The following ZMYM5 variants were observed in gnomAD, a reference collection of about 807,000 sequenced individuals.
ZMYM5 encodes zinc finger MYM-type containing 5.
In ZMYM5, 41 loss-of-function variants were observed where a neutral mutation model predicts 61.8. The observed-to-expected ratio is 0.66, with a 90% CI of 0.52 to 0.86. The LOEUF is 0.86. Ranked by LOEUF, ZMYM5 falls within the 40% of genes least tolerant of loss-of-function variation. ZMYM5 has a pLI of 0.00. For synonymous variants in ZMYM5, 257 were observed against 276.4 expected, an observed-to-expected ratio of 0.93 and a Z score of 0.70; for missense variants, 706 against 786.7, an observed-to-expected ratio of 0.90 and a Z score of 1.23.
At chr13:19,830,678 T>TGCCAGCC (rs1168417692) in intron 7 of ZMYM5, among the ~76,000 whole-genome samples, 1 of 151,182 alleles carries the variant, frequency 6.6e-6, no homozygotes, top group African/African-American at 2.4e-5. Flanking sequence ...GGACTACAGG[T>TGCCAGCC]ATGTGTCACC....
chr13:19,843,365 C>A (rs1952951596), intron 4 of ZMYM5: 1 of 43,114 alleles, frequency 2.3e-5, no homozygotes, highest in African/African-American at 8.5e-5. Flanking sequence ...CCACTGCACT[C>A]CAGCAAAAAA....
chr13:19,828,004 G>C (rs1891000723), intron 7 of ZMYM5, among the ~76,000 whole-genome samples: 1 of 113,384 alleles, frequency 8.8e-6, no homozygotes, highest in African/African-American at 3.5e-5. Flanking sequence ...GGGCGACAGA[G>C]CGAGACTCCA....
intron 7 of ZMYM5, among the ~76,000 whole-genome samples, chr13:19,831,811 A>AAC (rs1891237684): frequency 6.6e-6 from 1 of 150,912 alleles, no homozygotes; most frequent in African/African-American, 2.4e-5. Flanking sequence ...AAAAAAAAAA[A>AAC]AAACCATATG....
intron 2 of ZMYM5, among the ~76,000 whole-genome samples, chr13:19,860,430 T>TTGTGTGTGTGTG (rs760244753): frequency 7.5e-6 from 1 of 133,596 alleles, no homozygotes; most frequent in Non-Finnish European, 1.6e-5. Context: ...CCGGCTAATT[T>TTGTGTGTGTGTG]TGTGTGTGTG....
chr13:19,824,502 T>C lies in ZMYM5; in HGVS notation c.1985A>G (p.Asp662Gly). 1.5e-6 allele frequency: 2 copies of C among 1,311,752 alleles called. No individual in the cohort carries two copies. Among genetic ancestry groups the C allele is most frequent in the South Asian group, 2.6e-5 (2 of 76,128 alleles). 81.3% of individuals were successfully genotyped at this position (1,311,752 alleles called of 1,614,324 possible). Residue 662 changes from aspartate to glycine, a missense_variant, in exon 8 of 8, where the codon GAT (aspartate) becomes GGT (glycine). By Grantham distance (94) the Asp-to-Gly change is moderately conservative. This residue lies in a region of ZMYM5 where 226 missense variants were observed against 325.0 expected (regional missense o/e 0.70). Coordinates refer to ENST00000337963, the MANE Select transcript of ZMYM5 (RefSeq NM_001142684.2). The part of the protein sequence containing the change: ...EHRLYENEKN[D>G]GVLLLYT The stretch of plus-strand genomic sequence containing the variant: ...TTACGTGTACAACAACAGCACACCA[T>C]CATTTTTCTCATTTTCATATAATCT...
At position 19,824,798 on chromosome 13, in the gene ZMYM5, A is replaced by G. The variant is rs754700778; in HGVS notation, c.1689T>C (p.Tyr563=). 1.6e-5 allele frequency: 22 copies of G among 1,354,400 alleles called. No individual in the cohort carries two copies. In the African/African-American group the frequency reaches 2.5e-4, roughly 15 times the overall value. The allele number at this position is 1,354,400 out of a possible 1,614,324, so 83.9% of individuals were successfully genotyped here. ...DNTGRKFSET[Y]YTRILPNGEK... ...CACCATTTGGAAGAATCCGTGTATA[A>G]TAAGTTTCTGAAAACTTCCTCCCTG... Residue 563 remains tyrosine, a synonymous_variant, in exon 8 of 8, where the codon TAT becomes TAC. Coordinates refer to ENST00000337963, the MANE Select transcript of ZMYM5 (RefSeq NM_001142684.2).
rs1890848448 is a variant in ZMYM5, at chr13:19,825,120, A to AT, written c.1366dup (p.Ile456AsnfsTer43). On this transcript the variant is annotated frameshift_variant, in exon 8 of 8. Coordinates refer to ENST00000337963, the MANE Select transcript of ZMYM5 (RefSeq NM_001142684.2). LOFTEE classifies it high-confidence loss of function. ...TTCCTTTTTTTCTGGGATTCCCTCT[A>AT]TTTTTTTCAAAAGTGTATTTGACGA... 2 of 1,362,108 alleles carry AT rather than the reference A, an allele frequency of 1.5e-6. No individual in the cohort carries two copies. Among genetic ancestry groups the AT allele is most frequent in the Non-Finnish European group, 2.0e-6 (2 of 1,019,612 alleles). 84.4% of individuals were successfully genotyped at this position (1,362,108 alleles called of 1,614,324 possible).
At chr13:19,848,540 T>C (rs1012306907) in intron 4 of ZMYM5, among the ~76,000 whole-genome samples, 1 of 148,198 alleles carries the variant, frequency 6.7e-6, no homozygotes, top group Admixed American at 6.7e-5. Context: ...CCTCAGCCTC[T>C]TTGTTTTTTT....
chr13:19,837,467 T>A, intron 6 of ZMYM5, 189 bp downstream of exon 6: 1 of 1,573,164 alleles, frequency 6.4e-7, no homozygotes, highest in Non-Finnish European at 8.5e-7. Context: ...CTTTCCATGC[T>A]ATGCAAATGG....
At chr13:19,852,658 T>G (rs896383671) in intron 2 of ZMYM5, among the ~76,000 whole-genome samples, 1 of 152,196 alleles carries the variant, frequency 6.6e-6, no homozygotes, top group African/African-American at 2.4e-5. Context: ...ATCTTTTTTG[T>G]CCTTGTACAG....
At chr13:19,827,062 C>A (rs1364003958) in intron 7 of ZMYM5, among the ~76,000 whole-genome samples, 2 of 152,158 alleles carry the variant, frequency 1.3e-5, no homozygotes, top group Admixed American at 6.6e-5. Context: ...GATAGACTAA[C>A]AGTTGCCTAG....
chr13:19,851,691 T>C lies in ZMYM5; in HGVS notation c.490A>G (p.Lys164Glu). ...DFSTSSLSRSKTKTGVRPFNP... is the reference protein window; with the variant it reads ...DFSTSSLSRSETKTGVRPFNP... The stretch of plus-strand genomic sequence containing the variant: ...CTATTACCCATTCCTGCATTTACCT[T>C]ACTTCTTGAAAGACTGGAAGTGGAG... The change falls in exon 3 of 8, where the codon AAG (lysine) becomes GAG (glutamate). Residue 164 changes from lysine to glutamate, a missense_variant and splice_region_variant. Physicochemically the swap from Lys to Glu is moderately conservative, Grantham distance 56 (BLOSUM62 1). Around this residue, in one of 2 missense-constraint regions of ZMYM5, gnomAD observed 480 missense variants for 461.7 expected, o/e 1.04. Coordinates refer to ENST00000337963, the MANE Select transcript of ZMYM5 (RefSeq NM_001142684.2). 1.3e-6 allele frequency: 2 copies of C among 1,566,326 alleles called. No individual in the cohort carries two copies. The highest frequency in any genetic ancestry group is 2.0e-5 in the Admixed American group (1 of 49,542).
At chr13:19,830,283 CAT>C (rs1237083797) in intron 7 of ZMYM5, among the ~76,000 whole-genome samples, 1 of 152,152 alleles carries the variant, frequency 6.6e-6, no homozygotes, top group Non-Finnish European at 1.5e-5. Flanking sequence ...TGAAAATACT[CAT>C]GTGTTTGGGG....
intron 7 of ZMYM5, among the ~76,000 whole-genome samples, chr13:19,834,160 T>G (rs1050115949): frequency 1.3e-5 from 2 of 152,118 alleles, no homozygotes; most frequent in Admixed American, 1.3e-4. Flanking sequence ...TTGTATTTAG[T>G]AGAGACGGGG....
intron 7 of ZMYM5, 30 bp downstream of exon 7, chr13:19,835,447 G>C: frequency 7.6e-7 from 1 of 1,313,458 alleles, no homozygotes; most frequent in Non-Finnish European, 1.0e-6. Flanking sequence ...CTATATATTT[G>C]ATCATTTAAA....
Position 19,851,430 on chromosome 13 carries a change from G to A in ZMYM5, c.511C>T (p.Pro171Ser), listed in dbSNP as rs757269880. The A allele has an allele frequency of 2.9e-5, 46 of 1,613,968 alleles. No homozygotes were observed. Among genetic ancestry groups the A allele is most frequent in the Non-Finnish European group, 4.2e-6 (5 of 1,180,000 alleles). Residue 171 changes from proline to serine, a missense_variant, in exon 4 of 8, where the codon CCT becomes TCT. By Grantham distance (74) the Pro-to-Ser change is moderately conservative. This residue lies in a region of ZMYM5 where 480 missense variants were observed against 461.7 expected (regional missense o/e 1.04). Coordinates refer to ENST00000337963, the MANE Select transcript of ZMYM5 (RefSeq NM_001142684.2). Reference sequence around the variant, plus strand: ...ACATTCATTCTACCAGGGTTAAAAGGTCTTACTCCAGTCTTGGTCTGTGGA... The same window carrying A: ...ACATTCATTCTACCAGGGTTAAAAGATCTTACTCCAGTCTTGGTCTGTGGA... ...SRSKTKTGVR[P>S]FNPGRMNVAG... is the part of the protein sequence containing the mutation.
In ZMYM5 at chr13:19,825,008, C is replaced by T. The variant is rs749516066; in HGVS notation, c.1479G>A (p.Thr493=). 13 of 1,367,302 alleles carry T rather than the reference C, an allele frequency of 9.5e-6. No individual in the cohort carries two copies. The highest frequency in any genetic ancestry group is 1.2e-5 in the Non-Finnish European group (12 of 1,021,786). The allele number at this position is 1,367,302 out of a possible 1,614,324, so 84.7% of individuals were successfully genotyped here. Residue 493 remains threonine, a synonymous_variant, in exon 8 of 8, where the codon ACG becomes ACA. Coordinates refer to ENST00000337963, the MANE Select transcript of ZMYM5 (RefSeq NM_001142684.2). ...CTTGAAATGTATCAGCTATGGTTGA[C>T]GTGGAAGAAGGAGGTAAATTCACAT... ...QENVNLPPSS[T]STIADTFQEQ...
intron 7 of ZMYM5, 68 bp downstream of exon 7, chr13:19,835,409 G>T: frequency 9.3e-7 from 1 of 1,077,982 alleles, no homozygotes; most frequent in Non-Finnish European, 1.3e-6. Flanking sequence ...GATAAATCCG[G>T]TTCATGTAAG....
intron 4 of ZMYM5, among the ~76,000 whole-genome samples, chr13:19,846,216 T>C (rs548539697): frequency 7.4e-4 from 112 of 152,314 alleles, no homozygotes; most frequent in African/African-American, 2.6e-3. Context: ...GACATCTTAA[T>C]TTTCTGTATG....
Sources: gnomAD v4.1 joint callset for allele counts (sites outside exome capture counted in the v4.1 genomes callset) on GRCh38, gnomAD v4.1.1 for gene constraint, gnomAD v4.1.1 regional missense constraint, MANE v1.5 for transcripts, NCBI Gene and HGNC (gene_info 2026-07-23, HGNC 2026-07-21) for gene names.